Variants in DCC observed in about 807,000 individuals in gnomAD.
The protein encoded by DCC is DCC netrin 1 receptor, also known as netrin receptor DCC.
In DCC, 58 loss-of-function variants were observed where a neutral mutation model predicts 172.5. That is an observed-to-expected ratio of 0.34 (90% CI 0.27 to 0.42). DCC has a LOEUF of 0.42. Ranked by LOEUF, DCC falls within the 10% of genes least tolerant of loss-of-function variation. The pLI, the probability that DCC is intolerant of heterozygous loss-of-function variation, is 1.00. For synonymous variants in DCC, 709 were observed against 644.5 expected, an observed-to-expected ratio of 1.10 and a Z score of -1.52; for missense variants, 1,740 against 1,791.0, an observed-to-expected ratio of 0.97 and a Z score of 0.51.
rs573780320 is a variant in DCC, at chr18:52,615,643, A to G, written c.92-136411A>G. Reference sequence around the variant, plus strand: ...TTCCTCAGCTGCAAATTCACTTTCTATATGTAGCAGGATGGGGAATAGGGC... The same window carrying G: ...TTCCTCAGCTGCAAATTCACTTTCTGTATGTAGCAGGATGGGGAATAGGGC... On this transcript the variant is annotated intron_variant, in intron 1 of 28. Transcript: ENST00000442544. Among the ~76,000 whole-genome samples the G allele has an allele frequency of 1.4e-4, 22 of 152,268 alleles. No individual in the cohort carries two copies. The East Asian group carries it at 3.9e-3, about 27-fold the overall frequency.
At chr18:53,198,336 T>C (rs1303276522) in intron 9 of DCC, among the ~76,000 whole-genome samples, 1 of 152,076 alleles carries the variant, frequency 6.6e-6, no homozygotes, top group Non-Finnish European at 1.5e-5. Flanking sequence ...GAATCTTTGA[T>C]GCTAATGACA....
intron 5 of DCC, among the ~76,000 whole-genome samples, chr18:52,956,796 C>T (rs1351144175): frequency 6.6e-6 from 1 of 152,006 alleles, no homozygotes; most frequent in East Asian, 1.9e-4. Flanking sequence ...CATTTTCATG[C>T]TTAATGGATT....
intron 1 of DCC, among the ~76,000 whole-genome samples, chr18:52,715,791 CT>C (rs1221383568): frequency 6.6e-6 from 1 of 152,160 alleles, no homozygotes; most frequent in Non-Finnish European, 1.5e-5. Context: ...CTTCCCACCC[CT>C]GTCACCCACT....
chr18:52,963,596 C>T (rs1439060858), intron 5 of DCC, among the ~76,000 whole-genome samples: 2 of 151,952 alleles, frequency 1.3e-5, no homozygotes, highest in East Asian at 3.9e-4. Flanking sequence ...AGGTGGAGGG[C>T]ATTTTTGAGT....
At chr18:52,461,080 C>T (rs529688566) in intron 1 of DCC, among the ~76,000 whole-genome samples, 5 of 152,162 alleles carry the variant, frequency 3.3e-5, no homozygotes, top group Non-Finnish European at 7.3e-5. Flanking sequence ...AAAACACAAA[C>T]ACATTGTACA....
chr18:53,321,613 C>G (rs766929250), intron 13 of DCC, among the ~76,000 whole-genome samples: 2 of 152,048 alleles, frequency 1.3e-5, no homozygotes, highest in Non-Finnish European at 2.9e-5. Flanking sequence ...AGTGCATTTT[C>G]TTTGGATTCT....
rs151312837 is a variant in DCC, at chr18:52,941,502, G to GTGTATA, written c.985+16133_985+16134insGTATAT. Among the ~76,000 whole-genome samples, 962 of 148,936 alleles carry GTGTATA rather than the reference G, an allele frequency of 6.5e-3. 6 individuals carry two copies. Among genetic ancestry groups the GTGTATA allele is most frequent in the African/African-American group, 0.011 (447 of 40,754 alleles). ...TATACATGTTTGTGTGTGTGTGTGT[G>GTGTATA]TATATATATATATACACACTTGTAT... On this transcript the variant is annotated intron_variant, in intron 5 of 28. Coordinates refer to ENST00000442544, the MANE Select transcript of DCC (RefSeq NM_005215.4).
At chr18:53,409,534 T>G (rs988340984) in intron 19 of DCC, among the ~76,000 whole-genome samples, 4 of 152,168 alleles carry the variant, frequency 2.6e-5, no homozygotes, top group Non-Finnish European at 5.9e-5. Flanking sequence ...TTTACGGTGT[T>G]ATCTGGCAAT....
intron 2 of DCC, among the ~76,000 whole-genome samples, chr18:52,809,122 A>T (rs2038145477): frequency 6.6e-6 from 1 of 152,210 alleles, no homozygotes; most frequent in African/African-American, 2.4e-5. Flanking sequence ...GCAGGGATCC[A>T]GAAGGAACTG....
At chr18:53,507,643 T>C (rs1422650390) in intron 27 of DCC, among the ~76,000 whole-genome samples, 1 of 152,160 alleles carries the variant, frequency 6.6e-6, no homozygotes, top group East Asian at 1.9e-4. Context: ...TCTACAAGCT[T>C]TTTTGGTGGA....
chr18:52,805,142 A>C (rs1598820308), intron 2 of DCC, among the ~76,000 whole-genome samples: 1 of 152,182 alleles, frequency 6.6e-6, no homozygotes, highest in Admixed American at 6.5e-5. Context: ...AATGCATACA[A>C]ATATGTCTAG....
In DCC at chr18:53,533,457, G is replaced by A. The variant is rs1213758005; in HGVS notation, c.*2804G>A. 1 of 152,010 alleles carries A rather than the reference G, an allele frequency of 6.6e-6. No individual in the cohort carries two copies. The highest frequency in any genetic ancestry group is 1.5e-5 in the Non-Finnish European group (1 of 68,010). 9.4% of individuals were successfully genotyped at this position (152,010 alleles called of 1,614,324 possible). ...GGTCTGCCCTGTAATGTGCTTAAAT[G>A]TCAGGCAACATCCTCTTTTTTTTAA... On this transcript the variant is annotated 3_prime_UTR_variant, in exon 29 of 29. Coordinates refer to ENST00000442544, the MANE Select transcript of DCC (RefSeq NM_005215.4).
chr18:53,121,990 A>G (rs1217313948), intron 7 of DCC, among the ~76,000 whole-genome samples: 1 of 152,026 alleles, frequency 6.6e-6, no homozygotes, highest in African/African-American at 2.4e-5. Flanking sequence ...GAGAAAGAAC[A>G]CAATTTAAAG....
intron 5 of DCC, among the ~76,000 whole-genome samples, chr18:52,983,281 A>G (rs1303930413): frequency 6.6e-6 from 1 of 152,188 alleles, no homozygotes; most frequent in Non-Finnish European, 1.5e-5. Context: ...TACAAGACAA[A>G]GGGAACATTG....
chr18:52,713,638 T>C (rs2036332532), intron 1 of DCC, among the ~76,000 whole-genome samples: 2 of 152,186 alleles, frequency 1.3e-5, no homozygotes, highest in Non-Finnish European at 2.9e-5. Context: ...GATGATCATT[T>C]TTATTGTGTT....
intron 1 of DCC, among the ~76,000 whole-genome samples, chr18:52,408,004 A>G (rs3851127): frequency 0.78 from 118,719 of 152,036 alleles, 46,592 homozygotes; most frequent in Middle Eastern, 0.83. Context: ...AGACTTAAGT[A>G]TAACTGACTC....
chr18:52,417,805 C>A (rs1987095613), intron 1 of DCC, among the ~76,000 whole-genome samples: 1 of 152,116 alleles, frequency 6.6e-6, no homozygotes, highest in Non-Finnish European at 1.5e-5. Flanking sequence ...AACTTCTTTG[C>A]CTTTGGTTTG....
intron 1 of DCC, among the ~76,000 whole-genome samples, chr18:52,626,748 C>T (rs184921243): frequency 3.3e-5 from 5 of 152,196 alleles, no homozygotes; most frequent in East Asian, 1.9e-4. Context: ...TCACATGCTG[C>T]GTACTATGTT....
At chr18:53,365,397 T>C (rs1361062438) in intron 15 of DCC, among the ~76,000 whole-genome samples, 1 of 148,086 alleles carries the variant, frequency 6.8e-6, no homozygotes, top group Admixed American at 6.8e-5. Flanking sequence ...TACAGTAATA[T>C]ATATATATAT....
Sources: gnomAD v4.1 joint callset for allele counts (sites outside exome capture counted in the v4.1 genomes callset) on GRCh38, gnomAD v4.1.1 for gene constraint, MANE v1.5 for transcripts, NCBI Gene and HGNC (gene_info 2026-07-23, HGNC 2026-07-21) for gene names.